The following PIK3CG variants were observed in gnomAD, a reference collection of about 807,000 sequenced individuals.
The protein encoded by PIK3CG is phosphatidylinositol 4,5-bisphosphate 3-kinase catalytic subunit gamma isoform.
Under a neutral mutation model 102.3 loss-of-function variants are expected in PIK3CG, and 55 were observed. That is an observed-to-expected ratio of 0.54 (90% CI 0.43 to 0.67). The LOEUF (loss-of-function observed/expected upper bound fraction) is 0.67. Ranked by LOEUF, PIK3CG falls within the 30% of genes least tolerant of loss-of-function variation. PIK3CG has a pLI of 0.00. For missense variants in PIK3CG, 1,258 were observed against 1,391.8 expected (o/e 0.90, Z 1.53); for synonymous variants, 552 against 540.0 (o/e 1.02, Z -0.31).
Position 106,883,186 on chromosome 7 carries a change from T to C in PIK3CG, c.2760+23T>C, listed in dbSNP as rs2116546570. The C allele has an allele frequency of 2.5e-6, 4 of 1,613,640 alleles. No homozygotes were observed. The highest frequency in any genetic ancestry group is 3.4e-6 in the Non-Finnish European group (4 of 1,179,614). On this transcript the variant is annotated intron_variant, in intron 8 of 10. Coordinates refer to ENST00000496166, the MANE Select transcript of PIK3CG (RefSeq NM_001282426.2). The surrounding 1 kb of genome is among the most constrained non-coding windows in gnomAD (Gnocchi z 5.8). ...AAGGTGAGCTCATGCTTTTTCCCAG[T>C]CTAATGGCTCCTTACAAGTTGTCAT...
chr7:106,905,378 T>C lies in PIK3CG; in HGVS notation c.3300T>C (p.His1100=), dbSNP rs1447384134. 6.2e-7 allele frequency: 1 copy of C among 1,613,598 alleles called. No individual in the cohort carries two copies. Among genetic ancestry groups the C allele is most frequent in the South Asian group, 1.1e-5 (1 of 91,038 alleles). ...LVLGIKQGEK[H]SA ...TTGGCATCAAACAAGGAGAGAAACATTCAGCCTAATACTTTAGGCTAGAAT... is the reference window on the plus strand; with the variant it reads ...TTGGCATCAAACAAGGAGAGAAACACTCAGCCTAATACTTTAGGCTAGAAT... Residue 1100 remains histidine, a synonymous_variant, in exon 11 of 11, where the codon CAT becomes CAC. Transcript: ENST00000496166. The surrounding 1 kb of genome is among the most constrained non-coding windows in gnomAD (Gnocchi z 5.6).
At position 106,883,301 on chromosome 7, in the gene PIK3CG, A is replaced by G; in HGVS notation, c.2760+138A>G. The G allele has an allele frequency of 1.1e-6, 1 of 901,154 alleles. No homozygotes were observed. Among genetic ancestry groups the G allele is most frequent in the Non-Finnish European group, 1.7e-6 (1 of 587,358 alleles). 55.8% of individuals were successfully genotyped at this position (901,154 alleles called of 1,614,324 possible). A position where few individuals can be genotyped will look rare whatever the true frequency, so the allele number is the denominator to read the frequency against. ...AGTGAAGTTTTTTACTTGTGAAATA[A>G]TGGAGGTTTTAAGTACCCTCCCGTG... On this transcript the variant is annotated intron_variant, in intron 8 of 10. Coordinates refer to ENST00000496166, the MANE Select transcript of PIK3CG (RefSeq NM_001282426.2). This position sits in a 1 kb window ranked among gnomAD's most constrained non-coding sequence, Gnocchi z 5.8.
rs986041575 is a variant in PIK3CG, at chr7:106,906,350, C to CT, written c.*971dup. 8.8e-6 allele frequency: 2 copies of CT among 227,588 alleles called. No individual in the cohort carries two copies. Among genetic ancestry groups the CT allele is most frequent in the African/African-American group, 2.2e-5 (1 of 45,036 alleles). 14.1% of individuals were successfully genotyped at this position (227,588 alleles called of 1,614,324 possible). A position where few individuals can be genotyped will look rare whatever the true frequency, so the allele number is the denominator to read the frequency against. ...ACTTATTTGTAAAGATGTTTAGTGACTTTTTTTTCAAGTATCTTATTAAAG... is the reference window on the plus strand; with the variant it reads ...ACTTATTTGTAAAGATGTTTAGTGACTTTTTTTTTCAAGTATCTTATTAAAG... On this transcript the variant is annotated 3_prime_UTR_variant, in exon 11 of 11. Transcript: ENST00000496166.
chr7:106,877,019 G>A lies in PIK3CG; in HGVS notation c.2391+2216G>A, dbSNP rs1036098775. On this transcript the variant is annotated intron_variant, in intron 5 of 10. Transcript: ENST00000496166. The surrounding 1 kb of genome is among the most constrained non-coding windows in gnomAD (Gnocchi z 4.5). Reference sequence around the variant, plus strand: ...ATGAGACCAGACTGGGCAACATGGCGAGACTCCATCTCTACAAAAAATAAA... The same window carrying A: ...ATGAGACCAGACTGGGCAACATGGCAAGACTCCATCTCTACAAAAAATAAA... Among the ~76,000 whole-genome samples the A allele has an allele frequency of 5.9e-5, 9 of 151,894 alleles. No individual in the cohort carries two copies. The highest frequency in any genetic ancestry group is 1.5e-4 in the African/African-American group (6 of 41,326).
Position 106,867,103 on chromosome 7 carries a change from A to C in PIK3CG, c.-12-447A>C, listed in dbSNP as rs1025039926. Among the ~76,000 whole-genome samples, 1 of 152,220 alleles carries C rather than the reference A, an allele frequency of 6.6e-6. No homozygotes were observed. Among genetic ancestry groups the C allele is most frequent in the Non-Finnish European group, 1.5e-5 (1 of 68,036 alleles). On this transcript the variant is annotated intron_variant, in intron 1 of 10. Transcript: ENST00000496166. This position sits in a 1 kb window ranked among gnomAD's most constrained non-coding sequence, Gnocchi z 5.1. ...GTAATCTATATGTTTCAGTATGTTT[A>C]AGAACAATGTCCATTCTGAGCCATT...
Position 106,877,157 on chromosome 7 carries a change from C to T in PIK3CG, c.2391+2354C>T, listed in dbSNP as rs760791191. Among the ~76,000 whole-genome samples, 43 of 152,198 alleles carry T rather than the reference C, an allele frequency of 2.8e-4. No individual in the cohort carries two copies. Among genetic ancestry groups the T allele is most frequent in the Non-Finnish European group, 5.1e-4 (35 of 68,040 alleles). Reference sequence around the variant, plus strand: ...ATACTGCAGTGAGCTGTGTTTGTGCCACTGCATTCCAACCTGGGCTACAGA... The same window carrying T: ...ATACTGCAGTGAGCTGTGTTTGTGCTACTGCATTCCAACCTGGGCTACAGA... On this transcript the variant is annotated intron_variant, in intron 5 of 10. Coordinates refer to ENST00000496166, the MANE Select transcript of PIK3CG (RefSeq NM_001282426.2). This position sits in a 1 kb window ranked among gnomAD's most constrained non-coding sequence, Gnocchi z 4.5.
intron 10 of PIK3CG, among the ~76,000 whole-genome samples, chr7:106,889,269 T>C (rs1002960105): frequency 3.3e-5 from 5 of 152,128 alleles, no homozygotes; most frequent in African/African-American, 1.2e-4. Flanking sequence ...AACATACATA[T>C]ATGCAGAATT....
chr7:106,893,732 G>A lies in PIK3CG; in HGVS notation c.3030+7440G>A, dbSNP rs911233567. Among the ~76,000 whole-genome samples, 3 of 152,174 alleles carry A rather than the reference G, an allele frequency of 2.0e-5. No individual in the cohort carries two copies. Among genetic ancestry groups the A allele is most frequent in the African/African-American group, 4.8e-5 (2 of 41,436 alleles). On this transcript the variant is annotated intron_variant, in intron 10 of 10. Coordinates refer to ENST00000496166, the MANE Select transcript of PIK3CG (RefSeq NM_001282426.2). This position sits in a 1 kb window ranked among gnomAD's most constrained non-coding sequence, Gnocchi z 4.4. ...GAGATATATTTGAAGACTTCCTATA[G>A]CAAGTACTGTCATGCATTGCTTAAC...
chr7:106,894,577 A>G lies in PIK3CG; in HGVS notation c.3030+8285A>G, dbSNP rs1371999105. ...TCTCTGTTTTGCCAAAATAATTCCT[A>G]AAGACTGGCTAGCCAATGCATTGAT... On this transcript the variant is annotated intron_variant, in intron 10 of 10. Coordinates refer to ENST00000496166, the MANE Select transcript of PIK3CG (RefSeq NM_001282426.2). This position sits in a 1 kb window ranked among gnomAD's most constrained non-coding sequence, Gnocchi z 4.4. Among the ~76,000 whole-genome samples the G allele has an allele frequency of 6.6e-6, 1 of 152,210 alleles. No individual in the cohort carries two copies. The highest frequency in any genetic ancestry group is 2.4e-5 in the African/African-American group (1 of 41,448).
chr7:106,905,803 A>G lies in PIK3CG; in HGVS notation c.*416A>G. On this transcript the variant is annotated 3_prime_UTR_variant, in exon 11 of 11. Coordinates refer to ENST00000496166, the MANE Select transcript of PIK3CG (RefSeq NM_001282426.2). This position sits in a 1 kb window ranked among gnomAD's most constrained non-coding sequence, Gnocchi z 5.6. ...TGTGTTCCTCAAGCTCTTTAAAGAA[A>G]AAGATGTAATCGTTGTAACCTTTGT... 1 of 257,872 alleles carries G rather than the reference A, an allele frequency of 3.9e-6. No homozygotes were observed. The highest frequency in any genetic ancestry group is 5.8e-5 in the East Asian group (1 of 17,270). The allele number at this position is 257,872 out of a possible 1,614,324, so 16.0% of individuals were successfully genotyped here. A position where few individuals can be genotyped will look rare whatever the true frequency, so the allele number is the denominator to read the frequency against.
intron 1 of PIK3CG, 151 bp downstream of exon 1, chr7:106,865,577 T>G (rs1195172508): frequency 6.6e-6 from 1 of 152,226 alleles, no homozygotes; most frequent in African/African-American, 2.4e-5. Flanking sequence ...CAACCTGTAT[T>G]GTGGATATCT....
intron 10 of PIK3CG, among the ~76,000 whole-genome samples, chr7:106,886,722 A>G (rs1318441341): frequency 6.6e-6 from 1 of 152,170 alleles, no homozygotes; most frequent in Non-Finnish European, 1.5e-5. Context: ...GGTTTTTGCT[A>G]CAGGTGAATT....
chr7:106,870,299 G>A (rs1445993875), intron 2 of PIK3CG, among the ~76,000 whole-genome samples: 1 of 152,202 alleles, frequency 6.6e-6, no homozygotes, highest in East Asian at 1.9e-4. Flanking sequence ...CTGGGGTCCT[G>A]AGAGGACAAG....
rs747410313 is a variant in PIK3CG at position 106,868,888 on chromosome 7, A to G, written c.1327A>G (p.Ser443Gly). The change falls in exon 2 of 11, where the codon AGC becomes GGC. Residue 443 changes from serine to glycine, a missense_variant. Around this residue, in one of 2 missense-constraint regions of PIK3CG, gnomAD observed 832 missense variants for 787.5 expected, o/e 1.06. Coordinates refer to ENST00000496166, the MANE Select transcript of PIK3CG (RefSeq NM_001282426.2). This position sits in a 1 kb window ranked among gnomAD's most constrained non-coding sequence, Gnocchi z 6.2. ...CTGCGGTAAAGCTCCAGCACTGTCC[A>G]GCAAGGCCTCTGCAGAGTCCCCCAG... ...IYCGKAPALS[S>G]KASAESPSSE... 6.2e-7 allele frequency: 1 copy of G among 1,614,244 alleles called. No homozygotes were observed. Among genetic ancestry groups the G allele is most frequent in the South Asian group, 1.1e-5 (1 of 91,086 alleles).
chr7:106,877,006 T>C lies in PIK3CG; in HGVS notation c.2391+2203T>C, dbSNP rs182062819. ...TGAGGCAAGGAGTATGAGACCAGAC[T>C]GGGCAACATGGCGAGACTCCATCTC... On this transcript the variant is annotated intron_variant, in intron 5 of 10. Coordinates refer to ENST00000496166, the MANE Select transcript of PIK3CG (RefSeq NM_001282426.2). The surrounding 1 kb of genome is among the most constrained non-coding windows in gnomAD (Gnocchi z 4.5). 2.5e-3 allele frequency among the ~76,000 whole-genome samples: 377 copies of C among 152,048 alleles called. 1 individual carries two copies. The highest frequency in any genetic ancestry group is 8.7e-3 in the African/African-American group (361 of 41,472).
At position 106,905,720 on chromosome 7, in the gene PIK3CG, T is replaced by C. The variant is rs1791668524; in HGVS notation, c.*333T>C. ...ACTATTGAGTGCTTCTGGAAATTCT[T>C]TGGAATAATTGATGACATCTATTTT... On this transcript the variant is annotated 3_prime_UTR_variant, in exon 11 of 11. Transcript: ENST00000496166. The surrounding 1 kb of genome is among the most constrained non-coding windows in gnomAD (Gnocchi z 5.6). 2 of 295,338 alleles carry C rather than the reference T, an allele frequency of 6.8e-6. No homozygotes were observed. The highest frequency in any genetic ancestry group is 1.3e-5 in the Non-Finnish European group (2 of 158,778). The allele number at this position is 295,338 out of a possible 1,614,324, so 18.3% of individuals were successfully genotyped here. A position where few individuals can be genotyped will look rare whatever the true frequency, so the allele number is the denominator to read the frequency against.
In PIK3CG at chr7:106,893,834, C is replaced by T. The variant is rs1309438867; in HGVS notation, c.3030+7542C>T. Among the ~76,000 whole-genome samples, 1 of 152,160 alleles carries T rather than the reference C, an allele frequency of 6.6e-6. No homozygotes were observed. Among genetic ancestry groups the T allele is most frequent in the Non-Finnish European group, 1.5e-5 (1 of 68,038 alleles). On this transcript the variant is annotated intron_variant, in intron 10 of 10. Coordinates refer to ENST00000496166, the MANE Select transcript of PIK3CG (RefSeq NM_001282426.2). This position sits in a 1 kb window ranked among gnomAD's most constrained non-coding sequence, Gnocchi z 4.4. Reference sequence around the variant, plus strand: ...AAACATCAGAGTGAACTTACACAAACCTAGGTGGTAGTCTTCCACACACCT... The same window carrying T: ...AAACATCAGAGTGAACTTACACAAATCTAGGTGGTAGTCTTCCACACACCT...
Position 106,884,967 on chromosome 7 carries a change from A to G in PIK3CG, c.2872+701A>G, listed in dbSNP as rs1465004822. On this transcript the variant is annotated intron_variant, in intron 9 of 10. Coordinates refer to ENST00000496166, the MANE Select transcript of PIK3CG (RefSeq NM_001282426.2). This position sits in a 1 kb window ranked among gnomAD's most constrained non-coding sequence, Gnocchi z 4.2. The stretch of plus-strand genomic sequence containing the variant: ...AGATCTTTCTCGTGCACAGTTCACA[A>G]TAGGGTTTGTGTTCCTATGAGAATC... Among the ~76,000 whole-genome samples the G allele has an allele frequency of 4.6e-5, 7 of 152,160 alleles. No individual in the cohort carries two copies. The highest frequency in any genetic ancestry group is 8.8e-5 in the Non-Finnish European group (6 of 68,028).
chr7:106,882,917 C>CTA, intron 7 of PIK3CG, 116 bp from the exon 8 acceptor site: 1 of 412,254 alleles, frequency 2.4e-6, no homozygotes, highest in Non-Finnish European at 3.9e-6. Context: ...GCTCTCTGGT[C>CTA]AAAAAAAAAA....
Sources: gnomAD v4.1 joint callset for allele counts (sites outside exome capture counted in the v4.1 genomes callset) on GRCh38, gnomAD v4.1.1 for gene constraint, gnomAD v4.1.1 regional missense constraint, Gnocchi (gnomAD v3.1) non-coding constraint, MANE v1.5 for transcripts, NCBI Gene and HGNC (gene_info 2026-07-23, HGNC 2026-07-21) for gene names.